ANKRD27: variants seen among roughly 807,000 people sequenced by gnomAD.
The protein encoded by ANKRD27 is ankyrin repeat domain-containing protein 27.
In ANKRD27, 112 loss-of-function variants were observed where a neutral mutation model predicts 129.7. That is an observed-to-expected ratio of 0.86 (90% CI 0.74 to 1.01). The LOEUF (loss-of-function observed/expected upper bound fraction) is 1.01. Ranked by LOEUF, ANKRD27 falls within the 50% of genes least tolerant of loss-of-function variation. ANKRD27 has a pLI of 0.00. For missense variants in ANKRD27, 1,258 were observed against 1,300.5 expected (o/e 0.97, Z 0.50); for synonymous variants, 516 against 511.2 (o/e 1.01, Z -0.13).
chr19:32,666,639 C>CTTTTTTTTTTTTTTTTTT lies in ANKRD27; in HGVS notation c.-30-7595_-30-7594insAAAAAAAAAAAAAAAAAA, dbSNP rs1421941665. 1.8e-5 allele frequency among the ~76,000 whole-genome samples: 2 copies of CTTTTTTTTTTTTTTTTTT among 112,020 alleles called. 1 individual carries two copies. 73.5% of individuals were successfully genotyped at this position (112,020 alleles called of 152,430 possible). ...GGGCACAGAAAAGGAAATCAGATTT[C>CTTTTTTTTTTTTTTTTTT]TATTTTTTTTTTTTTTTTTTTTTGA... is the stretch of plus-strand genomic sequence containing the variant. On this transcript the variant is annotated intron_variant, in intron 1 of 28. Transcript: ENST00000306065.
chr19:32,674,078 G>C (rs529697020), intron 1 of ANKRD27, among the ~76,000 whole-genome samples: 1 of 151,974 alleles, frequency 6.6e-6, no homozygotes, highest in Non-Finnish European at 1.5e-5. Flanking sequence ...GATTGCTTGA[G>C]TCCAGGAGTT....
chr19:32,644,749 A>AT (rs1415958729), intron 4 of ANKRD27, among the ~76,000 whole-genome samples: 4 of 152,226 alleles, frequency 2.6e-5, no homozygotes, highest in Non-Finnish European at 5.9e-5. Context: ...CCAGCACATT[A>AT]TTATCTCAAT....
chr19:32,666,471 T>C (rs1967757024), intron 1 of ANKRD27: 1 of 152,150 alleles, frequency 6.6e-6, no homozygotes, highest in Non-Finnish European at 1.5e-5. Context: ...TTGAAGGATG[T>C]TGCTGTCTGC....
chr19:32,610,062 G>A (rs1037510090), intron 22 of ANKRD27, among the ~76,000 whole-genome samples: 4 of 152,058 alleles, frequency 2.6e-5, no homozygotes, highest in Admixed American at 2.6e-4. Context: ...TGTAATGCCA[G>A]CACTTTCGGG....
chr19:32,637,496 A>G (rs1967113016), intron 12 of ANKRD27: 1 of 152,272 alleles, frequency 6.6e-6, no homozygotes, highest in South Asian at 2.1e-4. Flanking sequence ...AATTGCACAC[A>G]TTAATGGTCT....
At chr19:32,643,735 T>A in intron 5 of ANKRD27, 104 bp from the exon 6 acceptor site, 1 of 1,118,756 alleles carries the variant, frequency 8.9e-7, no homozygotes, top group Non-Finnish European at 1.3e-6. Context: ...TAACACAAGC[T>A]TTATGAAGTC....
At chr19:32,625,133 G>A (rs1972069805) in intron 17 of ANKRD27, among the ~76,000 whole-genome samples, 1 of 151,918 alleles carries the variant, frequency 6.6e-6, no homozygotes, top group Non-Finnish European at 1.5e-5. Flanking sequence ...GCACACACCT[G>A]TAATCCCAGC....
intron 2 of ANKRD27, among the ~76,000 whole-genome samples, chr19:32,653,183 G>A (rs1006782350): frequency 1.3e-5 from 2 of 152,126 alleles, no homozygotes; most frequent in Non-Finnish European, 2.9e-5. Flanking sequence ...GGATGGCCAC[G>A]GCTTGTTGGA....
intron 2 of ANKRD27, among the ~76,000 whole-genome samples, chr19:32,652,764 C>T (rs538492307): frequency 7.4e-4 from 113 of 151,980 alleles, no homozygotes; most frequent in Non-Finnish European, 1.4e-3. Flanking sequence ...CCTGTCTCTA[C>T]AAAAAATACA....
intron 22 of ANKRD27, among the ~76,000 whole-genome samples, chr19:32,612,495 G>T (rs997671918): frequency 6.6e-5 from 10 of 152,222 alleles, no homozygotes; most frequent in Admixed American, 6.5e-5. Flanking sequence ...CCATAGAATA[G>T]CTGAAATATT....
chr19:32,641,861 G>A (rs1369642986), intron 10 of ANKRD27, among the ~76,000 whole-genome samples, 163 bp downstream of exon 10: 2 of 148,002 alleles, frequency 1.4e-5, no homozygotes, highest in East Asian at 2.0e-4. Context: ...TCCAATTCCT[G>A]GCCTCAAGTG....
At chr19:32,644,502 A>T (rs749911949) in intron 4 of ANKRD27, 23 bp from the exon 5 acceptor site, 11 of 1,608,334 alleles carry the variant, frequency 6.8e-6, no homozygotes, top group Non-Finnish European at 9.4e-6. Context: ...CAAACAGGTC[A>T]GGCCGGCTGA....
At chr19:32,601,989 G>A (rs745887266) in intron 26 of ANKRD27, 26 bp downstream of exon 26, 14 of 1,449,002 alleles carry the variant, frequency 9.7e-6, no homozygotes, top group South Asian at 4.7e-5. Context: ...CAACTTGAGC[G>A]TGACAGAAAG....
At chr19:32,662,079 G>A (rs188148031) in intron 1 of ANKRD27, among the ~76,000 whole-genome samples, 39 of 151,542 alleles carry the variant, frequency 2.6e-4, no homozygotes, top group African/African-American at 8.7e-4. Context: ...TTGGAAGGCC[G>A]AGGCAGGCAG....
At chr19:32,673,498 G>A in intron 1 of ANKRD27, 1 of 980,402 alleles carries the variant, frequency 1.0e-6, no homozygotes, top group Non-Finnish European at 1.2e-6. Context: ...TCTCTGCTAG[G>A]TGCTCAGGAC....
chr19:32,672,799 T>C (rs564232850), intron 1 of ANKRD27: 5 of 152,520 alleles, frequency 3.3e-5, no homozygotes, highest in Admixed American at 3.3e-4. Context: ...TCCACCAGTA[T>C]CTTGGGCAGA....
chr19:32,658,651 G>C (rs1967589110), intron 2 of ANKRD27, among the ~76,000 whole-genome samples: 1 of 152,116 alleles, frequency 6.6e-6, no homozygotes, highest in Non-Finnish European at 1.5e-5. Context: ...GTGTCACTGG[G>C]GGTGCTCCAC....
At chr19:32,674,747 G>T (rs999664347) in intron 1 of ANKRD27, among the ~76,000 whole-genome samples, 4 of 151,506 alleles carry the variant, frequency 2.6e-5, no homozygotes, top group African/African-American at 9.7e-5. Context: ...CGCCAGATCC[G>T]AACCGCCGGA....
Position 32,607,627 on chromosome 19 carries a change from GC to G in ANKRD27, c.2373+7del. On this transcript the variant is annotated splice_region_variant and intron_variant, in intron 23 of 28. Coordinates refer to ENST00000306065, the MANE Select transcript of ANKRD27 (RefSeq NM_032139.3). The stretch of plus-strand genomic sequence containing the variant: ...CCTGCTCCACCACCCCCAACACACA[GC>G]CCGAACCTGAAAGTGGCCCTGCTGG... The G allele has an allele frequency of 6.2e-7, 1 of 1,610,484 alleles. No homozygotes were observed. The highest frequency in any genetic ancestry group is 8.5e-7 in the Non-Finnish European group (1 of 1,179,302).
Sources: gnomAD v4.1 joint callset for allele counts (sites outside exome capture counted in the v4.1 genomes callset) on GRCh38, gnomAD v4.1.1 for gene constraint, MANE v1.5 for transcripts, NCBI Gene and HGNC (gene_info 2026-07-23, HGNC 2026-07-21) for gene names.